RHBDL2: variants seen among roughly 807,000 people sequenced by gnomAD.
RHBDL2 encodes rhomboid like 2.
A neutral mutation model predicts 31.7 loss-of-function variants in RHBDL2; 26 were observed. The observed-to-expected ratio is 0.82, with a 90% CI of 0.60 to 1.14. The LOEUF (loss-of-function observed/expected upper bound fraction) is 1.14. RHBDL2 is among the 50% of genes most tolerant of loss of function. The pLI, the probability that RHBDL2 is intolerant of heterozygous loss-of-function variation, is 0.00. For missense variants in RHBDL2, 336 were observed against 364.4 expected, an observed-to-expected ratio of 0.92 and a Z score of 0.63; for synonymous variants, 123 against 127.2, an observed-to-expected ratio of 0.97 and a Z score of 0.22.
At chr1:38,929,377 G>C (rs1299788643) in intron 1 of RHBDL2, 2 of 1,285,014 alleles carry the variant, frequency 1.6e-6, no homozygotes, top group Non-Finnish European at 2.0e-6. Flanking sequence ...AGAAGCCAGA[G>C]GACTAAATCA....
chr1:38,897,712 C>T (rs1293378828), intron 4 of RHBDL2, among the ~76,000 whole-genome samples: 4 of 151,980 alleles, frequency 2.6e-5, no homozygotes, highest in African/African-American at 9.7e-5. Flanking sequence ...AAGACCTCTC[C>T]CCTCACCCCC....
rs1447817940 is a variant in RHBDL2 at position 38,919,283 on chromosome 1, G to A, written c.-71C>T. The A allele has an allele frequency of 1.8e-5, 29 of 1,611,668 alleles. No homozygotes were observed. Among genetic ancestry groups the A allele is most frequent in the Non-Finnish European group, 2.3e-5 (27 of 1,179,820 alleles). On this transcript the variant is annotated 5_prime_UTR_variant, in exon 2 of 8. Coordinates refer to ENST00000372990, the MANE Select transcript of RHBDL2 (RefSeq NM_017821.5). ...AACAGCAGGTGGCCCTAGGTCCTCA[G>A]GCTGCCGCTCTTCCCTGGGCTGTCT...
At chr1:38,898,155 T>G (rs72658092) in intron 4 of RHBDL2, among the ~76,000 whole-genome samples, 170 of 151,630 alleles carry the variant, frequency 1.1e-3, no homozygotes, top group Middle Eastern at 0.01. Flanking sequence ...AAAAATAAAA[T>G]TAGCTGGCTG....
Position 38,886,611 on chromosome 1 carries a change from C to G in RHBDL2, c.805G>C (p.Asp269His), listed in dbSNP as rs770044222. The G allele has an allele frequency of 3.1e-6, 5 of 1,607,198 alleles. No individual in the cohort carries two copies. In the South Asian group the frequency reaches 5.6e-5, roughly 18 times the overall value. Residue 269 changes from aspartate (D) to histidine (H), a missense_variant, in exon 8 of 8, where the codon GAT becomes CAT. Physicochemically the swap from Asp to His is moderately conservative, Grantham distance 81. Transcript: ENST00000372990. ...CTTGGATCTTTCAGCAGTGCTTTATCAAAGCAGCTAAACACCGTGTAGCCA... is the reference window on the plus strand; with the variant it reads ...CTTGGATCTTTCAGCAGTGCTTTATGAAAGCAGCTAAACACCGTGTAGCCA... ...SIGYTVFSCF[D>H]KALLKDPRFW...
chr1:38,913,105 C>T (rs1026769473), intron 3 of RHBDL2, among the ~76,000 whole-genome samples: 2 of 151,502 alleles, frequency 1.3e-5, no homozygotes, highest in African/African-American at 2.4e-5. Flanking sequence ...GCCTCAGCTT[C>T]CCAAGTAGCT....
intron 1 of RHBDL2, among the ~76,000 whole-genome samples, chr1:38,924,231 G>A (rs748990359): frequency 6.6e-6 from 1 of 152,062 alleles, no homozygotes; most frequent in Non-Finnish European, 1.5e-5. Flanking sequence ...AGGTGTGAGA[G>A]AGCCTGTAAT....
chr1:38,902,504 C>G (rs1643005983), intron 4 of RHBDL2, among the ~76,000 whole-genome samples: 1 of 149,946 alleles, frequency 6.7e-6, no homozygotes, highest in Non-Finnish European at 1.5e-5. Context: ...ACTGTAACCT[C>G]TGCTTCCCAG....
At chr1:38,902,611 G>A (rs6600452) in intron 4 of RHBDL2, among the ~76,000 whole-genome samples, 123 of 151,628 alleles carry the variant, frequency 8.1e-4, no homozygotes, top group African/African-American at 2.8e-3. Context: ...TAATAGAGAC[G>A]GGGTTTCACC....
At chr1:38,939,222 G>A (rs1163793356) in intron 1 of RHBDL2, among the ~76,000 whole-genome samples, 1 of 152,178 alleles carries the variant, frequency 6.6e-6, no homozygotes. Flanking sequence ...GTTGGGGAAT[G>A]CTGATGCCCT....
At chr1:38,889,502 A>T (rs1330352850) in intron 6 of RHBDL2, among the ~76,000 whole-genome samples, 1 of 152,182 alleles carries the variant, frequency 6.6e-6, no homozygotes, top group Non-Finnish European at 1.5e-5. Context: ...GTAGCAATCG[A>T]AGTGAAGAAG....
Position 38,895,971 on chromosome 1 carries a change from C to A in RHBDL2, c.607G>T (p.Val203Leu). 1.2e-6 allele frequency: 2 copies of A among 1,602,580 alleles called. No individual in the cohort carries two copies. The highest frequency in any genetic ancestry group is 1.7e-6 in the Non-Finnish European group (2 of 1,169,842). Residue 203 changes from valine to leucine, a missense_variant and splice_region_variant, in exon 5 of 8, where the codon GTG (valine) becomes TTG (leucine). By Grantham distance (32) the Val-to-Leu change is conservative. Coordinates refer to ENST00000372990, the MANE Select transcript of RHBDL2 (RefSeq NM_017821.5). ...GACTCCATCCCCATGGTTCTTACCA[C>A]CAGAACATTCATAAAATAGCCTCCC... ...LMGGYFMNVL[V>L]NFQEMIPAFG...
chr1:38,933,114 G>C (rs1185041959), intron 1 of RHBDL2, among the ~76,000 whole-genome samples: 3 of 152,120 alleles, frequency 2.0e-5, no homozygotes, highest in African/African-American at 7.2e-5. Flanking sequence ...ATATGACCTA[G>C]CTCCTACCTT....
At position 38,915,727 on chromosome 1, in the gene RHBDL2, A is replaced by G. The variant is rs1383677259; in HGVS notation, c.247-17T>C. Reference sequence around the variant, plus strand: ...CACTGCCAGCTGATGGAGGGAGCAGACATGAGTATTAACCACACCTTCTCC... The same window carrying G: ...CACTGCCAGCTGATGGAGGGAGCAGGCATGAGTATTAACCACACCTTCTCC... On this transcript the variant is annotated splice_polypyrimidine_tract_variant and intron_variant, in intron 2 of 7. Transcript: ENST00000372990. 6.2e-7 allele frequency: 1 copy of G among 1,613,854 alleles called. No individual in the cohort carries two copies. Among genetic ancestry groups the G allele is most frequent in the African/African-American group, 1.3e-5 (1 of 74,940 alleles).
chr1:38,912,963 C>CGTGTGT (rs146456884), intron 3 of RHBDL2, among the ~76,000 whole-genome samples: 41,072 of 112,148 alleles, frequency 0.37, 9,707 homozygotes, highest in Middle Eastern at 0.49. Context: ...TACATATACA[C>CGTGTGT]GTGTGTGTGT....
At chr1:38,911,191 T>C (rs544617699) in intron 4 of RHBDL2, 131 bp downstream of exon 4, 5 of 599,220 alleles carry the variant, frequency 8.3e-6, no homozygotes, top group East Asian at 8.2e-5. Flanking sequence ...TAAGGCTTAA[T>C]GTGTTCCCGA....
At chr1:38,938,984 A>G (rs1017853164) in intron 1 of RHBDL2, among the ~76,000 whole-genome samples, 2 of 152,250 alleles carry the variant, frequency 1.3e-5, no homozygotes, top group Admixed American at 1.3e-4. Context: ...TTTTTGTATC[A>G]GGAATGAATG....
At chr1:38,903,096 C>CA (rs1047121989) in intron 4 of RHBDL2, among the ~76,000 whole-genome samples, 10 of 151,708 alleles carry the variant, frequency 6.6e-5, no homozygotes, top group African/African-American at 2.4e-4. Context: ...CAAAATATAC[C>CA]AAAAAGTATA....
intron 1 of RHBDL2, among the ~76,000 whole-genome samples, chr1:38,941,301 G>C (rs778275724): frequency 6.6e-6 from 1 of 152,168 alleles, no homozygotes; most frequent in Admixed American, 6.6e-5. Context: ...AAAGGGCTAG[G>C]AACTGGCTTA....
intron 1 of RHBDL2, among the ~76,000 whole-genome samples, chr1:38,927,596 G>T (rs1282364299): frequency 3.3e-5 from 5 of 152,154 alleles, no homozygotes; most frequent in Non-Finnish European, 7.3e-5. Context: ...CCTGCCTTGT[G>T]TTTGACACTA....
Sources: gnomAD v4.1 joint callset for allele counts (sites outside exome capture counted in the v4.1 genomes callset) on GRCh38, gnomAD v4.1.1 for gene constraint, MANE v1.5 for transcripts, NCBI Gene and HGNC (gene_info 2026-07-23, HGNC 2026-07-21) for gene names.